The following FBXW8 variants were observed in gnomAD, a reference collection of about 807,000 sequenced individuals.
The protein encoded by FBXW8 is F-box/WD repeat-containing protein 8.
Under a neutral mutation model 65.3 loss-of-function variants are expected in FBXW8, and 57 were observed. The observed-to-expected ratio is 0.87, with a 90% CI of 0.71 to 1.09. The LOEUF is 1.09. FBXW8 is among the 50% of genes least tolerant of loss of function. The pLI is 0.00. For missense variants in FBXW8, 777 were observed against 814.8 expected (o/e 0.95, Z 0.57); for synonymous variants, 308 against 330.2 (o/e 0.93, Z 0.73).
At chr12:116,956,308 G>A (rs928037187) in intron 4 of FBXW8, among the ~76,000 whole-genome samples, 8 of 152,048 alleles carry the variant, frequency 5.3e-5, no homozygotes, top group African/African-American at 9.7e-5. Flanking sequence ...AACCATTAGC[G>A]CTCTTCTTAC....
intron 2 of FBXW8, among the ~76,000 whole-genome samples, chr12:116,928,974 C>G (rs1254653393): frequency 6.6e-6 from 1 of 152,052 alleles, no homozygotes; most frequent in African/African-American, 2.4e-5. Context: ...CCATGCCCAG[C>G]TAATTTTTGT....
At chr12:117,011,269 G>A (rs1347706584) in intron 8 of FBXW8, among the ~76,000 whole-genome samples, 2 of 151,920 alleles carry the variant, frequency 1.3e-5, no homozygotes, top group African/African-American at 4.8e-5. Flanking sequence ...GCTCGGAGGC[G>A]GGTGTCAGAT....
Position 117,028,076 on chromosome 12 carries a change from C to T in FBXW8, c.1701C>T (p.Ala567=), listed in dbSNP as rs1450699972. Residue 567 remains alanine (A), a synonymous_variant, in exon 11 of 11, where the codon GCC becomes GCT. Transcript: ENST00000652555. The surrounding 1 kb of genome is among the most constrained non-coding windows in gnomAD (Gnocchi z 4.1). The part of the protein sequence containing the change: ...RAYEFAVDQL[A]FQSPLPVCRS... ...ATGAGTTTGCGGTGGACCAGCTGGC[C>T]TTCCAGAGCCCTCTCCCTGTCTGCC... 1 of 1,614,132 alleles carries T rather than the reference C, an allele frequency of 6.2e-7. No individual in the cohort carries two copies. The highest frequency in any genetic ancestry group is 8.5e-7 in the Non-Finnish European group (1 of 1,180,018).
At chr12:117,010,768 C>T (rs1223556417) in intron 8 of FBXW8, among the ~76,000 whole-genome samples, 4 of 152,220 alleles carry the variant, frequency 2.6e-5, no homozygotes, top group Admixed American at 6.5e-5. Context: ...TTGTTTGGCA[C>T]TTGAAAGCTC....
intron 8 of FBXW8, among the ~76,000 whole-genome samples, chr12:117,022,656 T>TA (rs200394533): frequency 0.013 from 2,038 of 152,010 alleles, 26 homozygotes; most frequent in South Asian, 0.053. Flanking sequence ...GCCCTGTCTT[T>TA]AAAAAAAATA....
chr12:116,926,480 G>A (rs1335334064), intron 1 of FBXW8, among the ~76,000 whole-genome samples: 1 of 152,184 alleles, frequency 6.6e-6, no homozygotes, highest in East Asian at 1.9e-4. Context: ...GATTGCAGGA[G>A]TCTCAAGTTG....
chr12:117,013,218 G>C (rs1031460450), intron 8 of FBXW8, among the ~76,000 whole-genome samples: 5 of 150,012 alleles, frequency 3.3e-5, no homozygotes, highest in Non-Finnish European at 5.9e-5. Context: ...CTCCAGCCTG[G>C]GTGACAGAGC....
At chr12:117,001,780 T>A (rs1190584540) in intron 7 of FBXW8, among the ~76,000 whole-genome samples, 1 of 152,214 alleles carries the variant, frequency 6.6e-6, no homozygotes, top group Non-Finnish European at 1.5e-5. Flanking sequence ...GGTTATCATC[T>A]CTTCGCTGGA....
intron 1 of FBXW8, among the ~76,000 whole-genome samples, chr12:116,919,420 T>C (rs1343613297): frequency 1.6e-4 from 24 of 152,216 alleles, no homozygotes; most frequent in Admixed American, 1.5e-3. Flanking sequence ...ATGATGATGA[T>C]GTTAGTACCT....
chr12:116,919,740 T>G (rs576527975), intron 1 of FBXW8, among the ~76,000 whole-genome samples: 1 of 152,334 alleles, frequency 6.6e-6, no homozygotes, highest in African/African-American at 2.4e-5. Context: ...TGCGACTTTA[T>G]AAAGGCTCTA....
rs943351934 is a variant in FBXW8, at chr12:117,029,519, C to T, written c.*1347C>T. 6.6e-6 allele frequency: 1 copy of T among 152,142 alleles called. No homozygotes were observed. Among genetic ancestry groups the T allele is most frequent in the African/African-American group, 2.4e-5 (1 of 41,400 alleles). 9.4% of individuals were successfully genotyped at this position (152,142 alleles called of 1,614,324 possible). A position where few individuals can be genotyped will look rare whatever the true frequency, so the allele number is the denominator to read the frequency against. On this transcript the variant is annotated 3_prime_UTR_variant, in exon 11 of 11. Coordinates refer to ENST00000652555, the MANE Select transcript of FBXW8 (RefSeq NM_153348.3). ...CAGCTCAGAAAAGGTAGCAGCAATC[C>T]CAAAGCAGCAGAAGGCAGGGGTTAA...
At chr12:116,990,317 C>T (rs1256743552) in intron 7 of FBXW8, among the ~76,000 whole-genome samples, 2 of 152,170 alleles carry the variant, frequency 1.3e-5, no homozygotes, top group African/African-American at 2.4e-5. Flanking sequence ...GTTGGGGCAT[C>T]TCCGTTGTGT....
intron 7 of FBXW8, among the ~76,000 whole-genome samples, chr12:116,999,824 G>A (rs569067185): frequency 7.0e-4 from 106 of 152,244 alleles, no homozygotes; most frequent in African/African-American, 2.4e-3. Context: ...ATTCCTGACC[G>A]GGGACTGGCA....
chr12:116,988,482 T>C (rs1239823885), intron 6 of FBXW8, among the ~76,000 whole-genome samples, 181 bp from the exon 7 acceptor site: 1 of 152,240 alleles, frequency 6.6e-6, no homozygotes, highest in African/African-American at 2.4e-5. Context: ...ATGTTTCTCT[T>C]ATACTGAGCA....
At chr12:116,991,163 T>C (rs1226284802) in intron 7 of FBXW8, among the ~76,000 whole-genome samples, 1 of 120,668 alleles carries the variant, frequency 8.3e-6, no homozygotes, top group Non-Finnish European at 2.0e-5. Context: ...CAAACACTCA[T>C]GTGGGTGAAT....
At position 116,911,124 on chromosome 12, in the gene FBXW8, C is replaced by G. The variant is rs1317241689; in HGVS notation, c.87C>G (p.Pro29=). The G allele has an allele frequency of 2.3e-5, 32 of 1,376,306 alleles. No individual in the cohort carries two copies. The Admixed American group carries it at 2.7e-4, about 12-fold the overall frequency. 85.3% of individuals were successfully genotyped at this position (1,376,306 alleles called of 1,614,324 possible). Residue 29 remains proline (P), a synonymous_variant, in exon 1 of 11, where the codon CCC becomes CCG. Transcript: ENST00000652555. ...AGGCGCCGAAGAAGCGGCGACGGCC[C>G]GAGGCTGCCGAGAGGCGGGCTCGGC... ...QAQAPKKRRR[P]EAAERRARRP...
chr12:117,020,067 A>G (rs901544651), intron 8 of FBXW8, among the ~76,000 whole-genome samples: 11 of 152,154 alleles, frequency 7.2e-5, no homozygotes, highest in Non-Finnish European at 1.0e-4. Context: ...GCCTAAATGC[A>G]TGTCCCCCAG....
At chr12:116,974,920 A>C (rs950765584) in intron 5 of FBXW8, among the ~76,000 whole-genome samples, 1 of 152,210 alleles carries the variant, frequency 6.6e-6, no homozygotes, top group African/African-American at 2.4e-5. Context: ...AAAAAGATGA[A>C]GGTAGGGCAT....
intron 4 of FBXW8, among the ~76,000 whole-genome samples, chr12:116,955,037 G>T (rs1482490078): frequency 1.4e-4 from 3 of 21,360 alleles, no homozygotes; most frequent in Non-Finnish European, 1.2e-3. Flanking sequence ...CTCTTGAAAT[G>T]GGGGGGGGGG....
Sources: gnomAD v4.1 joint callset for allele counts (sites outside exome capture counted in the v4.1 genomes callset) on GRCh38, gnomAD v4.1.1 for gene constraint, Gnocchi (gnomAD v3.1) non-coding constraint, MANE v1.5 for transcripts, NCBI Gene and HGNC (gene_info 2026-07-23, HGNC 2026-07-21) for gene names.